Variants in EPG5 observed in about 807,000 individuals in gnomAD.
The protein encoded by EPG5 is ectopic P-granules 5 autophagy tethering factor, also known as ectopic P granules protein 5 homolog.
A neutral mutation model predicts 302.7 loss-of-function variants in EPG5; 159 were observed. The observed-to-expected ratio is 0.53, with a 90% CI of 0.46 to 0.60. The LOEUF (loss-of-function observed/expected upper bound fraction) is 0.60, where lower values mean the gene tolerates loss of function less well. Ranked by LOEUF, EPG5 falls within the 20% of genes least tolerant of loss-of-function variation. The probability of loss-of-function intolerance (pLI) is 0.00; values close to 1 mark genes in which losing one functional copy is unlikely to be tolerated. For synonymous variants in EPG5, 1,158 were observed against 1,136.8 expected, an observed-to-expected ratio of 1.02 and a Z score of -0.37; for missense variants, 2,896 against 3,092.4, an observed-to-expected ratio of 0.94 and a Z score of 1.51.
chr18:45,823,900 G>T, the EPG5 span, among the ~76,000 whole-genome samples: 4 of 152,362 alleles, frequency 2.6e-5, no homozygotes, highest in Admixed American at 1.3e-4. Context: ...GGCGCTCTAG[G>T]TGGTAAGAAT....
chr18:45,903,198 T>C (rs2049662120), intron 25 of EPG5, among the ~76,000 whole-genome samples: 2 of 152,232 alleles, frequency 1.3e-5, no homozygotes, highest in South Asian at 2.1e-4. Flanking sequence ...CCTTTCTCTA[T>C]ATACCTTTCT....
intron 37 of EPG5, 31 bp downstream of exon 37, chr18:45,867,532 C>T (rs772496930): frequency 3.9e-5 from 63 of 1,597,032 alleles, no homozygotes; most frequent in South Asian, 2.4e-4. Flanking sequence ...GCAGCCTTGC[C>T]GAATTTTTGC....
intron 16 of EPG5, among the ~76,000 whole-genome samples, chr18:45,921,151 C>A (rs1394288936): frequency 6.6e-6 from 1 of 152,214 alleles, no homozygotes; most frequent in Non-Finnish European, 1.5e-5. Flanking sequence ...TGCCTATCAT[C>A]TCAACAAAAC....
intron 31 of EPG5, among the ~76,000 whole-genome samples, chr18:45,880,831 A>G (rs1162730663): frequency 5.3e-5 from 8 of 152,128 alleles, no homozygotes; most frequent in Non-Finnish European, 1.0e-4. Context: ...GAATCAACTA[A>G]AATAACAGGT....
intron 11 of EPG5, among the ~76,000 whole-genome samples, chr18:45,932,000 A>C (rs1462528212): frequency 6.6e-6 from 1 of 151,988 alleles, no homozygotes; most frequent in Non-Finnish European, 1.5e-5. Flanking sequence ...TTTCAAAATA[A>C]CTCTGGGACA....
intron 32 of EPG5, among the ~76,000 whole-genome samples, chr18:45,879,741 C>T (rs1004702824): frequency 6.6e-6 from 1 of 152,168 alleles, no homozygotes; most frequent in African/African-American, 2.4e-5. Context: ...AAATGCATAT[C>T]AAACAGAAAG....
At chr18:45,896,902 T>C (rs1249673001) in intron 27 of EPG5, among the ~76,000 whole-genome samples, 1 of 152,226 alleles carries the variant, frequency 6.6e-6, no homozygotes, top group East Asian at 1.9e-4. Context: ...TGTAAAAACA[T>C]CTAAGCCATG....
Position 45,913,697 on chromosome 18 carries a change from T to A in EPG5, c.3816+9A>T. On this transcript the variant is annotated intron_variant, in intron 21 of 43. Coordinates refer to ENST00000282041, the MANE Select transcript of EPG5 (RefSeq NM_020964.3). The stretch of plus-strand genomic sequence containing the variant: ...TTCTACCACTCAAATGCAGAACTGC[T>A]ATTTGTACCTTCAGAGCTTGGTCAG... The A allele has an allele frequency of 6.2e-7, 1 of 1,613,974 alleles. No homozygotes were observed. The highest frequency in any genetic ancestry group is 8.5e-7 in the Non-Finnish European group (1 of 1,179,916).
intron 29 of EPG5, among the ~76,000 whole-genome samples, chr18:45,886,902 C>T (rs560351797): frequency 1.3e-5 from 2 of 152,258 alleles, no homozygotes; most frequent in South Asian, 4.1e-4. Context: ...AGATGATCTG[C>T]CCACCTCAGC....
At position 45,882,296 on chromosome 18, in the gene EPG5, G is replaced by C. The variant is rs536773034; in HGVS notation, c.5496C>G (p.Asp1832Glu). 6 of 1,614,010 alleles carry C rather than the reference G, an allele frequency of 3.7e-6. No homozygotes were observed. In the African/African-American group the frequency reaches 8.0e-5, roughly 22 times the overall value. The change falls in exon 31 of 44, where the codon GAC (aspartate) becomes GAG (glutamate). Residue 1832 changes from aspartate to glutamate, a missense_variant. Around this residue, in one of 5 missense-constraint regions of EPG5, gnomAD observed 790 missense variants for 798.0 expected, o/e 0.99. Coordinates refer to ENST00000282041, the MANE Select transcript of EPG5 (RefSeq NM_020964.3). ...TACTTTGCATAAGCAGCCTGAGAAT[G>C]TCACTGTACTGGTCAGGAAACTGGT... The part of the protein sequence containing the change: ...LLYQFPDQYS[D>E]ILRLLMQSSA...
chr18:45,914,691 T>A (rs562948031), intron 20 of EPG5, among the ~76,000 whole-genome samples: 4 of 152,196 alleles, frequency 2.6e-5, no homozygotes, highest in African/African-American at 9.7e-5. Context: ...AGAAACCAGA[T>A]TGAAACCCAG....
chr18:45,812,548 T>G, the EPG5 span, among the ~76,000 whole-genome samples: 1 of 152,128 alleles, frequency 6.6e-6, no homozygotes, highest in African/African-American at 2.4e-5. Context: ...CCAAAACAGC[T>G]TGGTACTGGT....
chr18:45,866,522 G>C (rs2048751148), intron 38 of EPG5, among the ~76,000 whole-genome samples: 1 of 152,110 alleles, frequency 6.6e-6, no homozygotes, highest in Non-Finnish European at 1.5e-5. Flanking sequence ...CTATTCTGCT[G>C]CCAATGACAT....
At chr18:45,890,710 AT>A (rs2049324952) in intron 27 of EPG5, among the ~76,000 whole-genome samples, 1 of 152,160 alleles carries the variant, frequency 6.6e-6, no homozygotes, top group Non-Finnish European at 1.5e-5. Flanking sequence ...TGTTTATGCA[AT>A]TTTAATGTCA....
chr18:45,959,329 A>G (rs919669590), intron 1 of EPG5, among the ~76,000 whole-genome samples: 1 of 151,228 alleles, frequency 6.6e-6, no homozygotes, highest in Non-Finnish European at 1.5e-5. Context: ...TGACAGAGTC[A>G]GACTCCATCT....
chr18:45,862,667 G>T (rs1415081833), intron 39 of EPG5, among the ~76,000 whole-genome samples: 1 of 152,108 alleles, frequency 6.6e-6, no homozygotes, highest in South Asian at 2.1e-4. Context: ...CTCTCACTCT[G>T]CGTTCTGCCG....
intron 10 of EPG5, among the ~76,000 whole-genome samples, chr18:45,937,441 C>G (rs2050562607): frequency 6.6e-6 from 1 of 151,926 alleles, no homozygotes; most frequent in African/African-American, 2.4e-5. Context: ...GAGTCTTGCT[C>G]TGCTGCTGAG....
chr18:45,846,751 A>G (rs938151634), downstream of EPG5, among the ~76,000 whole-genome samples: 2 of 152,170 alleles, frequency 1.3e-5, no homozygotes, highest in African/African-American at 2.4e-5. Context: ...AAGAAAGTAA[A>G]AGAGTAAGAA....
chr18:45,946,607 G>T (rs1042788841), intron 7 of EPG5, 56 bp downstream of exon 7: 3 of 1,293,986 alleles, frequency 2.3e-6, no homozygotes, highest in African/African-American at 2.9e-5. Context: ...ACAATACTTG[G>T]TGCATAAGAA....
Sources: allele counts gnomAD v4.1 joint callset (sites outside exome capture counted in the v4.1 genomes callset), GRCh38; gene constraint gnomAD v4.1.1; regional missense constraint gnomAD v4.1.1; transcripts MANE v1.5; gene names NCBI Gene and HGNC (gene_info 2026-07-23, HGNC 2026-07-21).